Variants in FNIP1 observed in about 807,000 individuals in gnomAD.
The protein encoded by FNIP1 is folliculin interacting protein 1, also known as folliculin-interacting protein 1.
A neutral mutation model predicts 124.5 loss-of-function variants in FNIP1; 40 were observed. The observed-to-expected ratio is 0.32, with a 90% CI of 0.25 to 0.42. The LOEUF (loss-of-function observed/expected upper bound fraction) is 0.42, where lower values mean the gene tolerates loss of function less well. FNIP1 is among the 10% of genes least tolerant of loss of function. The pLI is 1.00. For synonymous variants in FNIP1, 472 were observed against 470.6 expected (o/e 1.00, Z -0.04); for missense variants, 1,176 against 1,403.7 (o/e 0.84, Z 2.59).
At chr5:131,752,060 G>C (rs1158692858) in intron 1 of FNIP1, among the ~76,000 whole-genome samples, 2 of 150,620 alleles carry the variant, frequency 1.3e-5, no homozygotes, top group Non-Finnish European at 3.0e-5. Context: ...CTTTTTTTTT[G>C]GAGACAAGAG....
At chr5:131,782,511 G>A (rs1200965831) in intron 1 of FNIP1, among the ~76,000 whole-genome samples, 1 of 151,828 alleles carries the variant, frequency 6.6e-6, no homozygotes, top group African/African-American at 2.4e-5. Context: ...GTTACAGTGA[G>A]CCAAGATTAC....
intron 6 of FNIP1, among the ~76,000 whole-genome samples, chr5:131,713,337 C>T (rs966104681): frequency 2.6e-5 from 4 of 152,192 alleles, no homozygotes; most frequent in Non-Finnish European, 5.9e-5. Context: ...TGAGCCACCG[C>T]GCCCGGCCTC....
At chr5:131,703,699 T>C (rs1458187354) in intron 10 of FNIP1, among the ~76,000 whole-genome samples, 2 of 152,248 alleles carry the variant, frequency 1.3e-5, no homozygotes, top group Non-Finnish European at 2.9e-5. Flanking sequence ...GCAGGATCCC[T>C]TATATACCGT....
chr5:131,749,372 A>AT (rs759563367), intron 1 of FNIP1, among the ~76,000 whole-genome samples: 3 of 151,258 alleles, frequency 2.0e-5, no homozygotes, highest in Admixed American at 2.0e-4. Flanking sequence ...ATCGCCCTAT[A>AT]TAAGTGTACC....
intron 11 of FNIP1, among the ~76,000 whole-genome samples, chr5:131,681,617 A>G (rs898214940): frequency 6.6e-6 from 1 of 151,964 alleles, no homozygotes; most frequent in African/African-American, 2.4e-5. Context: ...ATTTTCAAAG[A>G]AAAGGATTAT....
At chr5:131,724,405 A>G (rs765703612) in intron 3 of FNIP1, among the ~76,000 whole-genome samples, 10 of 152,148 alleles carry the variant, frequency 6.6e-5, no homozygotes, top group Non-Finnish European at 1.2e-4. Flanking sequence ...TGCCATTCTA[A>G]CTGGCTTGAG....
At chr5:131,697,410 C>T (rs1352238973) in intron 11 of FNIP1, among the ~76,000 whole-genome samples, 1 of 152,104 alleles carries the variant, frequency 6.6e-6, no homozygotes, top group Admixed American at 6.5e-5. Flanking sequence ...CAGGCACATG[C>T]CAACACGCCT....
At chr5:131,760,084 C>T (rs1051363804) in intron 1 of FNIP1, among the ~76,000 whole-genome samples, 3 of 151,978 alleles carry the variant, frequency 2.0e-5, no homozygotes, top group African/African-American at 7.3e-5. Flanking sequence ...CTGTGGACTA[C>T]TAGAGGGAAG....
intron 17 of FNIP1, 89 bp from the exon 18 acceptor site, chr5:131,644,852 C>T (rs1766821621): frequency 6.2e-6 from 8 of 1,285,646 alleles, no homozygotes; most frequent in Non-Finnish European, 8.9e-6. Flanking sequence ...TGTAAGGTCA[C>T]TATACCTCAA....
intron 2 of FNIP1, among the ~76,000 whole-genome samples, chr5:131,740,376 G>T (rs147513707): frequency 6.6e-6 from 1 of 152,134 alleles, no homozygotes; most frequent in South Asian, 2.1e-4. Context: ...AGCACTGTAC[G>T]ATGCTTCGGA....
intron 2 of FNIP1, among the ~76,000 whole-genome samples, chr5:131,743,442 C>T (rs1033317718): frequency 6.7e-6 from 1 of 149,750 alleles, no homozygotes; most frequent in Non-Finnish European, 1.5e-5. Context: ...AGAAGAGACA[C>T]TCTAGAGAGC....
intron 2 of FNIP1, among the ~76,000 whole-genome samples, chr5:131,735,642 A>C (rs1484928284): frequency 1.5e-4 from 23 of 149,558 alleles, no homozygotes. Flanking sequence ...GTATATACGT[A>C]TATATGCACA....
chr5:131,731,729 A>C (rs183336398), intron 2 of FNIP1, among the ~76,000 whole-genome samples: 113 of 152,298 alleles, frequency 7.4e-4, no homozygotes, highest in South Asian at 6.2e-3. Context: ...TCTTTTGTGT[A>C]CATGGGTTAT....
intron 1 of FNIP1, among the ~76,000 whole-genome samples, chr5:131,760,432 C>T (rs1771189098): frequency 6.6e-6 from 1 of 152,096 alleles, no homozygotes; most frequent in Non-Finnish European, 1.5e-5. Context: ...TTTTCCTTAT[C>T]AATCATTTTA....
chr5:131,672,066 T>C lies in FNIP1; in HGVS notation c.2378A>G (p.Gln793Arg). 3 of 1,614,234 alleles carry C rather than the reference T, an allele frequency of 1.9e-6. No individual in the cohort carries two copies. The highest frequency in any genetic ancestry group is 2.5e-6 in the Non-Finnish European group (3 of 1,180,034). The change falls in exon 14 of 18, where the codon CAG (glutamine) becomes CGG (arginine). Residue 793 changes from glutamine (Q) to arginine (R), a missense_variant. Coordinates refer to ENST00000510461, the MANE Select transcript of FNIP1 (RefSeq NM_133372.3). ...GGTTGTTTGTTTAGTTTCTTGATGC[T>C]GATCAATAGCCCCTCTTTCTTCCTT... is the stretch of plus-strand genomic sequence containing the variant. ...PLKEERGAID[Q>R]HQETKQTTKD...
intron 16 of FNIP1, among the ~76,000 whole-genome samples, chr5:131,648,842 C>T (rs1251960491): frequency 6.6e-6 from 1 of 152,178 alleles, no homozygotes; most frequent in Non-Finnish European, 1.5e-5. Context: ...CTGGTAACCA[C>T]TATTTTAGAT....
At chr5:131,751,228 A>T (rs1206957370) in intron 1 of FNIP1, among the ~76,000 whole-genome samples, 1 of 151,512 alleles carries the variant, frequency 6.6e-6, no homozygotes, top group African/African-American at 2.4e-5. Flanking sequence ...AAATATTCTC[A>T]CTCTCCTGGC....
At chr5:131,779,687 CAAAAAAA>C (rs760567468) in intron 1 of FNIP1, among the ~76,000 whole-genome samples, 11 of 59,600 alleles carry the variant, frequency 1.8e-4, no homozygotes, top group Non-Finnish European at 2.8e-4. Flanking sequence ...GATTCTGTTT[CAAAAAAA>C]AAAAAAAAAG....
At chr5:131,771,008 T>C (rs1467633017) in intron 1 of FNIP1, among the ~76,000 whole-genome samples, 1 of 152,200 alleles carries the variant, frequency 6.6e-6, no homozygotes, top group Non-Finnish European at 1.5e-5. Flanking sequence ...TACATACGTA[T>C]ACATGTGCCA....
Sources: gnomAD v4.1 joint callset for allele counts (sites outside exome capture counted in the v4.1 genomes callset) on GRCh38, gnomAD v4.1.1 for gene constraint, MANE v1.5 for transcripts, NCBI Gene and HGNC (gene_info 2026-07-23, HGNC 2026-07-21) for gene names.